Variants in EPC1 observed in about 807,000 individuals in gnomAD.
The protein encoded by EPC1 is enhancer of polycomb 1.
EPC1 carries 12 observed loss-of-function variants against 98.4 expected under a neutral mutation model. That is an observed-to-expected ratio of 0.12 (90% confidence interval 0.08 to 0.20). EPC1 has a LOEUF of 0.20. EPC1 is among the 10% of genes least tolerant of loss of function. The pLI, the probability that EPC1 is intolerant of heterozygous loss-of-function variation, is 1.00. For synonymous variants in EPC1, 357 were observed against 363.9 expected, an observed-to-expected ratio of 0.98 and a Z score of 0.21; for missense variants, 729 against 990.5, an observed-to-expected ratio of 0.74 and a Z score of 3.54.
At chr10:32,368,066 CTT>C (rs1439085417) in intron 1 of EPC1, among the ~76,000 whole-genome samples, 1 of 152,240 alleles carries the variant, frequency 6.6e-6, no homozygotes, top group Non-Finnish European at 1.5e-5. Context: ...TTCTACTTCT[CTT>C]TACTCCGCCA....
At chr10:32,321,139 G>C (rs73247712) in intron 1 of EPC1, among the ~76,000 whole-genome samples, 1 of 151,972 alleles carries the variant, frequency 6.6e-6, no homozygotes, top group South Asian at 2.1e-4. Context: ...TTAAACTATA[G>C]TGTGGGGCCA....
At chr10:32,292,059 TAGAAATAGGGC>T (rs1050613192) in intron 5 of EPC1, 2 of 152,266 alleles carry the variant, frequency 1.3e-5, no homozygotes, top group African/African-American at 4.8e-5. Flanking sequence ...GGATAGGGAC[TAGAAATAGGGC>T]AGAAGTTTTC....
At chr10:32,308,097 C>T (rs1835979533) in intron 1 of EPC1, among the ~76,000 whole-genome samples, 2 of 152,128 alleles carry the variant, frequency 1.3e-5, no homozygotes, top group Non-Finnish European at 2.9e-5. Flanking sequence ...ACAGAATATG[C>T]CAATGTCGGC....
At position 32,346,906 on chromosome 10, in the gene EPC1, G is replaced by A. The variant is rs11597888; in HGVS notation, c.10C>T (p.Leu4=). The A allele has an allele frequency of 0.17, 280,661 of 1,613,684 alleles. 26,722 individuals are homozygous for A. Among genetic ancestry groups the A allele is most frequent in the South Asian group, 0.31 (28,263 of 91,084 alleles). Residue 4 remains leucine (L), a synonymous_variant, in exon 1 of 14, where the codon CTG becomes TTG. Coordinates refer to ENST00000319778, the MANE Select transcript of EPC1 (RefSeq NM_001272004.3). ...TCTAGCGCCCGCGCCCGAAACGACA[G>A]TTTACTCATCTCAGGCGCAGCAGAT... The part of the protein sequence containing the change: MSK[L]SFRARALDAS...
In EPC1 at chr10:32,297,385, G is replaced by A. The variant is rs188013008; in HGVS notation, c.314-3648C>T. ...CAACCTCCGCCTCTCGGGTTCAAGC[G>A]ATATTCCTGCCTCACTCAGCCTCCT... On this transcript the variant is annotated intron_variant, in intron 2 of 13. Transcript: ENST00000319778. Among the ~76,000 whole-genome samples, 755 of 150,680 alleles carry A rather than the reference G, an allele frequency of 5.0e-3. 3 individuals are homozygous for A. Among genetic ancestry groups the A allele is most frequent in the Non-Finnish European group, 8.2e-3 (554 of 67,690 alleles).
intron 1 of EPC1, among the ~76,000 whole-genome samples, chr10:32,354,843 C>T (rs1839225118): frequency 6.6e-6 from 1 of 152,034 alleles, no homozygotes; most frequent in Non-Finnish European, 1.5e-5. Flanking sequence ...TTATTCTGAG[C>T]TGCACATTGA....
chr10:32,333,978 A>G (rs1322220027), intron 1 of EPC1, among the ~76,000 whole-genome samples: 6 of 152,234 alleles, frequency 3.9e-5, no homozygotes, highest in Admixed American at 3.9e-4. Context: ...AGAGGCCCCA[A>G]ATTGTGGTAG....
chr10:32,332,852 T>C (rs900315054), intron 1 of EPC1, among the ~76,000 whole-genome samples: 1 of 152,216 alleles, frequency 6.6e-6, no homozygotes, highest in Non-Finnish European at 1.5e-5. Flanking sequence ...CAATGTTGGA[T>C]TGGCTTTGGA....
At chr10:32,338,041 G>GTACCATATATATACTTCCATATAT (rs1564555030) in intron 1 of EPC1, among the ~76,000 whole-genome samples, 5 of 152,202 alleles carry the variant, frequency 3.3e-5, no homozygotes, top group Non-Finnish European at 7.3e-5. Flanking sequence ...AGATTTATAG[G>GTACCATATATATACTTCCATATAT]ACCAACTCAT....
upstream of EPC1, among the ~76,000 whole-genome samples, chr10:32,349,901 C>T (rs1839062327): frequency 6.6e-6 from 1 of 152,174 alleles, no homozygotes; most frequent in Non-Finnish European, 1.5e-5. Context: ...CGTTCGGACC[C>T]ATGCCTCTTT....
chr10:32,311,066 T>C (rs1836185320), intron 1 of EPC1, among the ~76,000 whole-genome samples: 1 of 152,048 alleles, frequency 6.6e-6, no homozygotes, highest in South Asian at 2.1e-4. Context: ...ATCCCAGCAC[T>C]TTGGGAGGCC....
intron 2 of EPC1, among the ~76,000 whole-genome samples, chr10:32,302,315 C>T (rs972510878): frequency 6.6e-6 from 1 of 151,672 alleles, no homozygotes; most frequent in Non-Finnish European, 1.5e-5. Flanking sequence ...TTTTTAAAAA[C>T]ACCTCAAACT....
intron 2 of EPC1, among the ~76,000 whole-genome samples, chr10:32,297,013 C>T (rs899543145): frequency 5.9e-5 from 9 of 152,006 alleles, no homozygotes; most frequent in African/African-American, 2.2e-4. Context: ...TTTGGAATTT[C>T]ATTTGACCAA....
At chr10:32,356,169 C>T (rs551864911) in intron 1 of EPC1, among the ~76,000 whole-genome samples, 6 of 152,210 alleles carry the variant, frequency 3.9e-5, no homozygotes, top group South Asian at 2.1e-4. Flanking sequence ...TTTTATAACA[C>T]GAGGAAGGAA....
chr10:32,359,395 T>C (rs915675096), intron 1 of EPC1, among the ~76,000 whole-genome samples: 1 of 152,192 alleles, frequency 6.6e-6, no homozygotes, highest in Non-Finnish European at 1.5e-5. Context: ...TAACGAGAAA[T>C]GTTTAGCTAC....
At chr10:32,339,871 G>T (rs781330311) in intron 1 of EPC1, among the ~76,000 whole-genome samples, 25 of 152,114 alleles carry the variant, frequency 1.6e-4, no homozygotes, top group Non-Finnish European at 3.7e-4. Context: ...ACTTGTCAAT[G>T]GATACAAAAT....
At chr10:32,289,535 T>C (rs1836882046) in intron 6 of EPC1, among the ~76,000 whole-genome samples, 1 of 151,740 alleles carries the variant, frequency 6.6e-6, no homozygotes, top group African/African-American at 2.4e-5. Context: ...TGAGTGAGCA[T>C]GATATTAAAT....
At chr10:32,347,225 G>C (rs1004321055), upstream of EPC1, 2 of 1,224,368 alleles carry the variant, frequency 1.6e-6, no homozygotes, top group Non-Finnish European at 2.0e-6. Context: ...ACGCGGGCGG[G>C]GGGAGGGAGC....
At chr10:32,300,027 C>T (rs1207392978) in intron 2 of EPC1, among the ~76,000 whole-genome samples, 4 of 29,036 alleles carry the variant, frequency 1.4e-4, no homozygotes, top group African/African-American at 1.8e-4. Context: ...CATCTCCTGC[C>T]TCACCTCCTG....
Sources: allele counts gnomAD v4.1 joint callset (sites outside exome capture counted in the v4.1 genomes callset), GRCh38; gene constraint gnomAD v4.1.1; transcripts MANE v1.5; gene names NCBI Gene and HGNC (gene_info 2026-07-23, HGNC 2026-07-21).